The following AFG1L variants were observed in gnomAD, a reference collection of about 807,000 sequenced individuals.
The protein encoded by AFG1L is AFG1 like ATPase.
Under a neutral mutation model 62.2 loss-of-function variants are expected in AFG1L, and 53 were observed. The observed-to-expected ratio is 0.85, with a 90% confidence interval of 0.68 to 1.07. The LOEUF (loss-of-function observed/expected upper bound fraction) is 1.07, where lower values mean the gene tolerates loss of function less well. AFG1L is among the 50% of genes least tolerant of loss of function. The probability of loss-of-function intolerance (pLI) is 0.00; values close to 1 mark genes in which losing one functional copy is unlikely to be tolerated. For missense variants in AFG1L, 555 were observed against 590.5 expected (o/e 0.94, Z 0.62); for synonymous variants, 228 against 210.3 (o/e 1.08, Z -0.73).
At chr6:108,401,962 T>A in intron 6 of AFG1L, 34 bp from the exon 7 acceptor site, 4 of 972,752 alleles carry the variant, frequency 4.1e-6, no homozygotes, top group Non-Finnish European at 6.3e-6. Flanking sequence ...TGATTTAGGC[T>A]AAGCAAAAAA....
At chr6:108,298,419 C>T (rs1338652158) in intron 1 of AFG1L, among the ~76,000 whole-genome samples, 4 of 151,996 alleles carry the variant, frequency 2.6e-5, no homozygotes, top group South Asian at 2.1e-4. Context: ...GCGCCCGCCA[C>T]CACACCCAAC....
intron 2 of AFG1L, among the ~76,000 whole-genome samples, chr6:108,332,877 GGTT>G (rs1287410878): frequency 1.3e-5 from 2 of 152,050 alleles, no homozygotes; most frequent in African/African-American, 2.4e-5. Flanking sequence ...AAAGTGCTGG[GGTT>G]ACCGGCTGAG....
chr6:108,418,781 C>T (rs1770449904), intron 7 of AFG1L, among the ~76,000 whole-genome samples: 1 of 152,056 alleles, frequency 6.6e-6, no homozygotes, highest in African/African-American at 2.4e-5. Context: ...ATTCACTGAA[C>T]AATATTTATG....
intron 7 of AFG1L, among the ~76,000 whole-genome samples, chr6:108,410,032 G>A (rs117041983): frequency 5.9e-5 from 9 of 152,074 alleles, no homozygotes; most frequent in Admixed American, 1.3e-4. Flanking sequence ...TTGGCTGGGC[G>A]CAGTGGCTCA....
chr6:108,345,798 C>T (rs1295213128), intron 2 of AFG1L, among the ~76,000 whole-genome samples: 1 of 152,114 alleles, frequency 6.6e-6, no homozygotes, highest in Admixed American at 6.5e-5. Flanking sequence ...ATTGAAACTC[C>T]AGCTTGAGAG....
At chr6:108,490,782 T>C (rs1773745767) in intron 10 of AFG1L, among the ~76,000 whole-genome samples, 1 of 152,158 alleles carries the variant, frequency 6.6e-6, no homozygotes. Context: ...TTCCATTCAA[T>C]TTCGTGTTCA....
chr6:108,500,873 T>C (rs1305500925), intron 10 of AFG1L, among the ~76,000 whole-genome samples: 1 of 152,212 alleles, frequency 6.6e-6, no homozygotes, highest in Non-Finnish European at 1.5e-5. Context: ...TGATAGCTCA[T>C]TGTGGTTTTA....
intron 7 of AFG1L, among the ~76,000 whole-genome samples, chr6:108,415,955 A>G (rs1232081904): frequency 6.6e-6 from 1 of 152,246 alleles, no homozygotes; most frequent in Non-Finnish European, 1.5e-5. Flanking sequence ...TCTGCACAGC[A>G]AAAGAAACTA....
chr6:108,375,867 A>C (rs902738054), intron 6 of AFG1L, among the ~76,000 whole-genome samples: 1 of 152,028 alleles, frequency 6.6e-6, no homozygotes, highest in African/African-American at 2.4e-5. Flanking sequence ...AGTTTTTTGA[A>C]ATAGTTTCAG....
At position 108,422,737 on chromosome 6, in the gene AFG1L, C is replaced by T. The variant is rs141257171; in HGVS notation, c.807+20683C>T. 4.6e-3 allele frequency among the ~76,000 whole-genome samples: 698 copies of T among 151,976 alleles called. 4 individuals are homozygous for T. Among genetic ancestry groups the T allele is most frequent in the Non-Finnish European group, 7.9e-3 (535 of 67,910 alleles). On this transcript the variant is annotated intron_variant, in intron 7 of 12. Transcript: ENST00000368977. ...CGTCTAATTAATATTATTCTTTTAA[C>T]GTATTTTAATTATAGGACTTTCTGC...
intron 5 of AFG1L, among the ~76,000 whole-genome samples, chr6:108,364,493 T>C (rs1197504538): frequency 6.6e-6 from 1 of 152,230 alleles, no homozygotes; most frequent in East Asian, 1.9e-4. Context: ...AAAAGCTATT[T>C]TACATTTTTT....
At chr6:108,317,720 C>T (rs989046635) in intron 1 of AFG1L, among the ~76,000 whole-genome samples, 11 of 152,008 alleles carry the variant, frequency 7.2e-5, no homozygotes, top group Non-Finnish European at 1.3e-4. Context: ...TGGGGTTAGC[C>T]TAAGGGAGGG....
At chr6:108,339,059 T>C (rs1778578856) in intron 2 of AFG1L, among the ~76,000 whole-genome samples, 1 of 152,232 alleles carries the variant, frequency 6.6e-6, no homozygotes, top group Admixed American at 6.5e-5. Flanking sequence ...TCTTGTATTG[T>C]GAATGAGAGT....
chr6:108,395,263 A>C (rs1781239215), intron 6 of AFG1L, among the ~76,000 whole-genome samples: 1 of 152,070 alleles, frequency 6.6e-6, no homozygotes, highest in Non-Finnish European at 1.5e-5. Context: ...TTTGAAGTCT[A>C]TCATAGTTAT....
intron 6 of AFG1L, among the ~76,000 whole-genome samples, chr6:108,395,342 A>G (rs933287178): frequency 4.0e-5 from 6 of 151,852 alleles, no homozygotes; most frequent in Admixed American, 6.6e-5. Context: ...AAAAATTGAG[A>G]CACATAATCT....
intron 10 of AFG1L, among the ~76,000 whole-genome samples, chr6:108,494,202 C>T (rs1197183894): frequency 6.6e-6 from 1 of 152,042 alleles, no homozygotes; most frequent in African/African-American, 2.4e-5. Context: ...CCAGTGAGTC[C>T]AGCACGGTGC....
intron 10 of AFG1L, among the ~76,000 whole-genome samples, chr6:108,501,761 G>A (rs964066537): frequency 3.3e-5 from 5 of 152,144 alleles, no homozygotes; most frequent in African/African-American, 1.2e-4. Context: ...ATCTAAGGGA[G>A]GCTGGGCAAT....
At chr6:108,389,476 T>C (rs1694977300) in intron 6 of AFG1L, among the ~76,000 whole-genome samples, 2 of 152,234 alleles carry the variant, frequency 1.3e-5, no homozygotes, top group South Asian at 4.1e-4. Flanking sequence ...CTAGCCTCGA[T>C]GGTCTTTACA....
At chr6:108,380,238 T>G (rs1287309933) in intron 6 of AFG1L, among the ~76,000 whole-genome samples, 2 of 152,030 alleles carry the variant, frequency 1.3e-5, no homozygotes, top group African/African-American at 4.8e-5. Context: ...TCTGCCTAGG[T>G]GTGAAGCAGA....
Sources: gnomAD v4.1 joint callset for allele counts (sites outside exome capture counted in the v4.1 genomes callset) on GRCh38, gnomAD v4.1.1 for gene constraint, MANE v1.5 for transcripts, NCBI Gene and HGNC (gene_info 2026-07-23, HGNC 2026-07-21) for gene names.